The following SPAG16 variants were observed in gnomAD, a reference collection of about 807,000 sequenced individuals.
The protein encoded by SPAG16 is sperm-associated antigen 16 protein.
SPAG16 carries 86 observed loss-of-function variants against 80.4 expected under a neutral mutation model. The ratio of observed to expected loss-of-function variants is 1.07; its 90% CI spans 0.90 to 1.28. SPAG16 has a LOEUF of 1.28. Ranked by LOEUF, SPAG16 falls within the 50% of genes most tolerant of loss-of-function variation. The pLI, the probability that SPAG16 is intolerant of heterozygous loss-of-function variation, is 0.00. For missense variants in SPAG16, 870 were observed against 765.3 expected (o/e 1.14, Z -1.61); for synonymous variants, 294 against 265.9 (o/e 1.11, Z -1.03).
chr2:213,305,766 G>T (rs930258750), intron 3 of SPAG16, among the ~76,000 whole-genome samples: 1 of 151,982 alleles, frequency 6.6e-6, no homozygotes, highest in Non-Finnish European at 1.5e-5. Context: ...GGCTAATACG[G>T]TGTTGAGGAT....
intron 10 of SPAG16, among the ~76,000 whole-genome samples, chr2:213,592,147 A>T (rs567265574): frequency 6.6e-6 from 1 of 152,360 alleles, no homozygotes; most frequent in South Asian, 2.1e-4. Context: ...CAGCATATAA[A>T]AAACAAAAGA....
chr2:214,363,902 TG>T (rs1440644154), intron 15 of SPAG16, among the ~76,000 whole-genome samples: 2 of 152,140 alleles, frequency 1.3e-5, no homozygotes, highest in Non-Finnish European at 2.9e-5. Flanking sequence ...GAATGTCTTT[TG>T]AGAAGTCCTG....
At chr2:213,973,396 C>T (rs1444347222) in intron 12 of SPAG16, among the ~76,000 whole-genome samples, 1 of 151,948 alleles carries the variant, frequency 6.6e-6, no homozygotes, top group African/African-American at 2.4e-5. Context: ...TGGTGGGATC[C>T]AAGATATGAA....
intron 15 of SPAG16, among the ~76,000 whole-genome samples, chr2:214,340,694 A>G (rs926481971): frequency 6.6e-6 from 1 of 152,174 alleles, no homozygotes; most frequent in African/African-American, 2.4e-5. Context: ...GTTGGTCAGG[A>G]GTCCATTATG....
chr2:214,069,536 C>A (rs566970133), intron 13 of SPAG16, among the ~76,000 whole-genome samples: 25 of 152,238 alleles, frequency 1.6e-4, no homozygotes, highest in African/African-American at 5.8e-4. Context: ...TTACTCAGAG[C>A]TGCCTTAAAC....
intron 9 of SPAG16, among the ~76,000 whole-genome samples, chr2:213,384,336 A>G (rs1284613560): frequency 1.3e-5 from 2 of 152,182 alleles, no homozygotes; most frequent in African/African-American, 4.8e-5. Flanking sequence ...CAAAATACCA[A>G]GTATGTTCTT....
chr2:213,679,775 G>T lies in SPAG16; in HGVS notation c.1071-182710G>T, dbSNP rs1261674978. On this transcript the variant is annotated intron_variant, in intron 10 of 15. Coordinates refer to ENST00000331683, the MANE Select transcript of SPAG16 (RefSeq NM_024532.5). ...TTAGAAAAATAAAGACTTTAAGTTTGATGTTTTGGTTTATTTTTCAATAAG... is the reference window on the plus strand; with the variant it reads ...TTAGAAAAATAAAGACTTTAAGTTTTATGTTTTGGTTTATTTTTCAATAAG... Among the ~76,000 whole-genome samples, 3 of 152,096 alleles carry T rather than the reference G, an allele frequency of 2.0e-5. No homozygotes were observed. The East Asian group carries it at 5.8e-4, about 29-fold the overall frequency.
intron 10 of SPAG16, among the ~76,000 whole-genome samples, chr2:213,690,683 G>T (rs2064904028): frequency 6.6e-6 from 1 of 152,176 alleles, no homozygotes; most frequent in Admixed American, 6.5e-5. Flanking sequence ...CAGAAGAAGA[G>T]GATAGGCAGC....
At chr2:213,493,774 C>A (rs1035982235) in intron 10 of SPAG16, among the ~76,000 whole-genome samples, 2 of 152,172 alleles carry the variant, frequency 1.3e-5, no homozygotes, top group African/African-American at 4.8e-5. Flanking sequence ...CAGGGTTTCA[C>A]CATTGTGGCC....
chr2:213,542,009 C>CAAA lies in SPAG16; in HGVS notation c.1070+51924_1070+51926dup, dbSNP rs35148800. Among the ~76,000 whole-genome samples the CAAA allele has an allele frequency of 2.0e-5, 3 of 151,702 alleles. 1 individual carries two copies. In the East Asian group the frequency reaches 5.8e-4, roughly 29 times the overall value. On this transcript the variant is annotated intron_variant, in intron 10 of 15. Transcript: ENST00000331683. ...CAAAGTCAGAGTTAGTTTAATCCAG[C>CAAA]AAAAAAAGTCTATTTTCATAGACAA...
At chr2:213,321,857 G>A (rs1195017488) in intron 5 of SPAG16, among the ~76,000 whole-genome samples, 1 of 151,970 alleles carries the variant, frequency 6.6e-6, no homozygotes, top group Non-Finnish European at 1.5e-5. Flanking sequence ...TTCCCATACT[G>A]GATATTGAAG....
chr2:213,774,962 C>G (rs2069482066), intron 10 of SPAG16, among the ~76,000 whole-genome samples: 1 of 152,162 alleles, frequency 6.6e-6, no homozygotes, highest in South Asian at 2.1e-4. Flanking sequence ...TCAGCAGGCC[C>G]AGTGTACCTG....
chr2:214,402,253 G>A (rs73072727), intron 15 of SPAG16, among the ~76,000 whole-genome samples: 11,824 of 152,004 alleles, frequency 0.078, 1,478 homozygotes, highest in African/African-American at 0.26. Flanking sequence ...ACCACAGTAA[G>A]TGTGCCTCAA....
intron 13 of SPAG16, among the ~76,000 whole-genome samples, chr2:214,058,589 G>A (rs1285099263): frequency 6.6e-6 from 1 of 152,082 alleles, no homozygotes. Flanking sequence ...GTGAGCACAT[G>A]CAGACGGCAA....
intron 9 of SPAG16, among the ~76,000 whole-genome samples, chr2:213,426,855 AC>A (rs1213785961): frequency 1.4e-5 from 2 of 147,638 alleles, no homozygotes; most frequent in Non-Finnish European, 3.0e-5. Flanking sequence ...ACACACACAC[AC>A]ACACACACAC....
intron 11 of SPAG16, among the ~76,000 whole-genome samples, chr2:213,889,034 A>T (rs921471906): frequency 6.6e-6 from 1 of 151,778 alleles, no homozygotes; most frequent in Admixed American, 6.6e-5. Flanking sequence ...TTATTAAAAA[A>T]CCTTTAAGGG....
intron 10 of SPAG16, among the ~76,000 whole-genome samples, chr2:213,800,246 T>G (rs1264838233): frequency 2.0e-5 from 3 of 152,144 alleles, no homozygotes; most frequent in Non-Finnish European, 2.9e-5. Context: ...TGTTAAATCA[T>G]GCTTCTGCCA....
chr2:213,708,734 C>G (rs570731584), intron 10 of SPAG16, among the ~76,000 whole-genome samples: 3 of 152,056 alleles, frequency 2.0e-5, no homozygotes, highest in African/African-American at 7.3e-5. Context: ...TGCAGTGAGC[C>G]GAGACCATGC....
intron 12 of SPAG16, among the ~76,000 whole-genome samples, chr2:214,012,937 A>G (rs1159027945): frequency 1.3e-5 from 2 of 152,182 alleles, no homozygotes; most frequent in Non-Finnish European, 2.9e-5. Flanking sequence ...GGCCTCCTCC[A>G]GAGTTTCTGA....
Sources: allele counts gnomAD v4.1 joint callset (sites outside exome capture counted in the v4.1 genomes callset), GRCh38; gene constraint gnomAD v4.1.1; transcripts MANE v1.5; gene names NCBI Gene and HGNC (gene_info 2026-07-23, HGNC 2026-07-21).